Variants in ATP13A2 observed in about 807,000 individuals in gnomAD.
The protein encoded by ATP13A2 is polyamine-transporting ATPase 13A2.
ATP13A2 carries 83 observed loss-of-function variants against 138.3 expected under a neutral mutation model. The ratio of observed to expected loss-of-function variants is 0.60; its 90% CI spans 0.50 to 0.72. The LOEUF (loss-of-function observed/expected upper bound fraction) is 0.72. Ranked by LOEUF, ATP13A2 falls within the 30% of genes least tolerant of loss-of-function variation. The pLI is 0.00. For synonymous variants in ATP13A2, 663 were observed against 699.0 expected, an observed-to-expected ratio of 0.95 and a Z score of 0.81; for missense variants, 1,402 against 1,606.4, an observed-to-expected ratio of 0.87 and a Z score of 2.17.
intron 1 of ATP13A2, among the ~76,000 whole-genome samples, chr1:17,010,077 G>A (rs1011660642): frequency 2.0e-5 from 3 of 151,768 alleles, no homozygotes; most frequent in Non-Finnish European, 4.4e-5. Context: ...TTTTGAGATG[G>A]AGTCTTCCCC....
chr1:17,004,247 G>A lies in ATP13A2; in HGVS notation c.557+85C>T. 7.1e-7 allele frequency: 1 copy of A among 1,403,852 alleles called. No homozygotes were observed. Among genetic ancestry groups the A allele is most frequent in the Non-Finnish European group, 9.9e-7 (1 of 1,009,236 alleles). The allele number at this position is 1,403,852 out of a possible 1,614,324, so 87.0% of individuals were successfully genotyped here. ...CAAAAGCATCAGAGCTGAGAGGGGA[G>A]CCCAGGCCATGCCATGCCACCGTCT... On this transcript the variant is annotated intron_variant, in intron 6 of 28. Coordinates refer to ENST00000326735, the MANE Select transcript of ATP13A2 (RefSeq NM_022089.4). This position sits in a 1 kb window ranked among gnomAD's most constrained non-coding sequence, Gnocchi z 4.1.
chr1:16,987,158 G>T lies in ATP13A2; in HGVS notation c.2971C>A (p.Arg991=). 1 of 1,613,138 alleles carries T rather than the reference G, an allele frequency of 6.2e-7. No homozygotes were observed. Among genetic ancestry groups the T allele is most frequent in the Non-Finnish European group, 8.5e-7 (1 of 1,179,630 alleles). The part of the protein sequence containing the change: ...TGPALVLGRV[R]PPGALLSVPV... ...ACGCTGAGCAGCGCCCCCGGTGGCC[G>T]CACCCGTCCCAGGACCAGCGCTGGC... The change falls in exon 26 of 29, where the codon CGG becomes AGG. Residue 991 remains arginine (R), a synonymous_variant. Transcript: ENST00000326735.
At chr1:16,990,525 T>C (rs751302960) in intron 20 of ATP13A2, among the ~76,000 whole-genome samples, 6 of 152,170 alleles carry the variant, frequency 3.9e-5, no homozygotes, top group African/African-American at 1.2e-4. Flanking sequence ...CTCCTTTTTT[T>C]TCTTTTTTTA....
Position 16,991,672 on chromosome 1 carries a change from C to T in ATP13A2, c.2251+62G>A, listed in dbSNP as rs138294777. On this transcript the variant is annotated intron_variant, in intron 20 of 28. Coordinates refer to ENST00000326735, the MANE Select transcript of ATP13A2 (RefSeq NM_022089.4). Reference sequence around the variant, plus strand: ...CCAAAAAGGAATCCCTGGTGCCCCTCTTCTCTGCCAGGAAGGGGCGGATTC... The same window carrying T: ...CCAAAAAGGAATCCCTGGTGCCCCTTTTCTCTGCCAGGAAGGGGCGGATTC... 2,829 of 1,612,852 alleles carry T rather than the reference C, an allele frequency of 1.8e-3. 52 individuals are homozygous for T. In the African/African-American group the frequency reaches 0.034, roughly 19 times the overall value.
At chr1:17,009,791 C>G (rs887637076) in intron 1 of ATP13A2, among the ~76,000 whole-genome samples, 2 of 152,144 alleles carry the variant, frequency 1.3e-5, no homozygotes, top group Admixed American at 1.3e-4. Flanking sequence ...TCATGGCAAT[C>G]GTATGACTGT....
intron 6 of ATP13A2, among the ~76,000 whole-genome samples, chr1:17,003,118 T>C (rs1002552290): frequency 1.3e-5 from 2 of 152,176 alleles, no homozygotes; most frequent in Non-Finnish European, 2.9e-5. Context: ...CCCAGGCGAC[T>C]GAAGTCCGGG....
At position 16,991,803 on chromosome 1, in the gene ATP13A2, G is replaced by A; in HGVS notation, c.2182C>T (p.Leu728=). ...LLGLLVMRNL[L]KPQTTPVIQA... ...ATAACTGGCGTTGTCTGCGGCTTCA[G>A]TAGGTTCCTCATGACCAGCAGCCCC... The change falls in exon 20 of 29, where the codon CTG becomes TTG. Residue 728 remains leucine (L), a synonymous_variant. Coordinates refer to ENST00000326735, the MANE Select transcript of ATP13A2 (RefSeq NM_022089.4). The A allele has an allele frequency of 6.2e-7, 1 of 1,614,182 alleles. No individual in the cohort carries two copies. The highest frequency in any genetic ancestry group is 8.5e-7 in the Non-Finnish European group (1 of 1,180,050).
chr1:17,003,442 CA>C (rs1019514794), intron 6 of ATP13A2, among the ~76,000 whole-genome samples: 12 of 151,836 alleles, frequency 7.9e-5, no homozygotes, highest in African/African-American at 2.7e-4. Flanking sequence ...CCTGTAATCC[CA>C]ACTACTCGGG....
Position 16,993,702 on chromosome 1 carries a change from T to G in ATP13A2, c.1676A>C (p.His559Pro), listed in dbSNP as rs763328279. 1.3e-6 allele frequency: 2 copies of G among 1,595,620 alleles called. No individual in the cohort carries two copies. Among genetic ancestry groups the G allele is most frequent in the South Asian group, 2.3e-5 (2 of 88,098 alleles). The change falls in exon 16 of 29, where the codon CAT (histidine) becomes CCT (proline). Residue 559 changes from histidine (H) to proline (P), a missense_variant. Transcript: ENST00000326735. ...GPLLRALATC[H>P]ALSRLQDTPV... ...GGTGTCCTGGAGCCGGCTGAGGGCATGGCAGGTGGCCAGTGCTCGGAGCAG... is the reference window on the plus strand; with the variant it reads ...GGTGTCCTGGAGCCGGCTGAGGGCAGGGCAGGTGGCCAGTGCTCGGAGCAG...
chr1:16,989,949 G>T lies in ATP13A2; in HGVS notation c.2467C>A (p.Leu823Met). 6.2e-6 allele frequency: 10 copies of T among 1,605,108 alleles called. No individual in the cohort carries two copies. Among genetic ancestry groups the T allele is most frequent in the Non-Finnish European group, 8.5e-6 (10 of 1,175,774 alleles). The change falls in exon 22 of 29, where the codon CTG becomes ATG. Residue 823 changes from leucine (L) to methionine (M), a missense_variant. Physicochemically the swap from Leu to Met is conservative, Grantham distance 15. Transcript: ENST00000326735. Reference protein sequence around the residue: ...TVEPDPRSRHLALSGPTFGII... With the variant: ...TVEPDPRSRHMALSGPTFGII... ...CCAAAGGTGGGCCCGCTGAGGGCCA[G>T]GTGCCTGGATCGGGGGTCTGGCTCC...
At chr1:17,010,112 C>T (rs931143653) in intron 1 of ATP13A2, among the ~76,000 whole-genome samples, 2 of 150,358 alleles carry the variant, frequency 1.3e-5, no homozygotes, top group Non-Finnish European at 3.0e-5. Flanking sequence ...TCCCCCCTGC[C>T]CGTCTCCCAG....
chr1:17,005,759 G>A lies in ATP13A2; in HGVS notation c.30C>T (p.Gly10=), dbSNP rs1471441377. The part of the protein sequence containing the change: MSADSSPLV[G]STPTGYGTLT... ...GGGTCCCATAACCGGTGGGCGTGCT[G>A]CCCACGAGAGGGCTGCTGTCTGTGG... The change falls in exon 2 of 29, where the codon GGC becomes GGT. Residue 10 remains glycine, a synonymous_variant. Transcript: ENST00000326735. The A allele has an allele frequency of 1.9e-6, 3 of 1,611,914 alleles. No individual in the cohort carries two copies. The highest frequency in any genetic ancestry group is 1.7e-5 in the Admixed American group (1 of 59,700).
At chr1:17,006,281 C>T (rs1334746434) in intron 1 of ATP13A2, among the ~76,000 whole-genome samples, 4 of 142,036 alleles carry the variant, frequency 2.8e-5, no homozygotes, top group Non-Finnish European at 6.0e-5. Context: ...GACGGAGTGT[C>T]ACTCTGTCAC....
chr1:16,988,303 C>G lies in ATP13A2; in HGVS notation c.2762+19G>C, dbSNP rs779656439. On this transcript the variant is annotated intron_variant, in intron 24 of 28. Coordinates refer to ENST00000326735, the MANE Select transcript of ATP13A2 (RefSeq NM_022089.4). ...CCAGCCCTGCTGAGCCCTCACCCAC[C>G]GGTCCCTGCCTGCCTTACCTGATGA... is the stretch of plus-strand genomic sequence containing the variant. The G allele has an allele frequency of 9.9e-6, 16 of 1,614,060 alleles. No individual in the cohort carries two copies. Among genetic ancestry groups the G allele is most frequent in the Non-Finnish European group, 1.4e-5 (16 of 1,180,036 alleles).
chr1:17,007,843 G>A (rs1159614493), intron 1 of ATP13A2, among the ~76,000 whole-genome samples: 5 of 151,958 alleles, frequency 3.3e-5, no homozygotes, highest in Admixed American at 6.6e-5. Flanking sequence ...GAGCCACAGC[G>A]CCCGGCGAGC....
At chr1:17,008,499 C>T (rs938011765) in intron 1 of ATP13A2, among the ~76,000 whole-genome samples, 4 of 152,102 alleles carry the variant, frequency 2.6e-5, no homozygotes, top group African/African-American at 7.2e-5. Context: ...GGGGGGGTTG[C>T]GTGGACAGGT....
chr1:17,001,949 A>G (rs2077373233), intron 8 of ATP13A2, 85 bp downstream of exon 8: 11 of 1,409,388 alleles, frequency 7.8e-6, no homozygotes, highest in East Asian at 4.8e-5. Flanking sequence ...TTGCCACCGT[A>G]AAGTGGCCCA....
At chr1:17,001,942 C>T in intron 8 of ATP13A2, 92 bp downstream of exon 8, 2 of 1,336,878 alleles carry the variant, frequency 1.5e-6, no homozygotes, top group East Asian at 2.4e-5. Flanking sequence ...GGTCTGGTTG[C>T]CACCGTAAAG....
intron 1 of ATP13A2, among the ~76,000 whole-genome samples, chr1:17,006,274 G>A (rs1013264542): frequency 1.3e-4 from 18 of 140,616 alleles, no homozygotes; most frequent in Non-Finnish European, 1.8e-4. Flanking sequence ...TTTTTGAGAC[G>A]GAGTGTCACT....
Sources: allele counts gnomAD v4.1 joint callset (sites outside exome capture counted in the v4.1 genomes callset), GRCh38; gene constraint gnomAD v4.1.1; non-coding constraint Gnocchi (gnomAD v3.1); transcripts MANE v1.5; gene names NCBI Gene and HGNC (gene_info 2026-07-23, HGNC 2026-07-21).